The following LRRC37A2 variants were observed in gnomAD, a reference collection of about 807,000 sequenced individuals.
LRRC37A2 encodes leucine-rich repeat-containing protein 37A2.
In LRRC37A2, 9 loss-of-function variants were observed where a neutral mutation model predicts 68.8. The ratio of observed to expected loss-of-function variants is 0.13; its 90% CI spans 0.08 to 0.23. LRRC37A2 has a LOEUF of 0.23. Among genes scored for constraint, LRRC37A2 ranks in the 10% least tolerant of loss-of-function variants. The pLI is 1.00. For synonymous variants in LRRC37A2, 63 were observed against 367.6 expected, an observed-to-expected ratio of 0.17 and a Z score of 9.48; for missense variants, 168 against 950.4, an observed-to-expected ratio of 0.18 and a Z score of 10.82.
chr17:46,774,594 G>C, the LRRC37A2 span, among the ~76,000 whole-genome samples: 2 of 152,238 alleles, frequency 1.3e-5, no homozygotes, highest in African/African-American at 2.4e-5. Context: ...TTAGCACAGA[G>C]TCAGAAGGGA....
At chr17:46,927,277 C>T in the LRRC37A2 span, among the ~76,000 whole-genome samples, 2 of 152,182 alleles carry the variant, frequency 1.3e-5, no homozygotes, top group East Asian at 1.9e-4. Flanking sequence ...ATTTTCTGCA[C>T]GTCAATCCTT....
the LRRC37A2 span, chr17:47,018,169 C>T: frequency 6.3e-7 from 1 of 1,599,464 alleles, no homozygotes; most frequent in Non-Finnish European, 8.6e-7. Context: ...CAGGAGACCC[C>T]AATTCAGTTT....
the LRRC37A2 span, among the ~76,000 whole-genome samples, chr17:46,944,388 TG>T: frequency 2.0e-5 from 3 of 152,124 alleles, no homozygotes; most frequent in Admixed American, 1.3e-4. Context: ...TTTCTAAGAA[TG>T]GGGGTAACAC....
chr17:46,757,694 TTTATC>T, the LRRC37A2 span, among the ~76,000 whole-genome samples: 1 of 147,886 alleles, frequency 6.8e-6, no homozygotes, highest in African/African-American at 2.6e-5. Flanking sequence ...TTATACTTAT[TTTATC>T]TTACTAAAAA....
At chr17:46,820,244 G>T in the LRRC37A2 span, among the ~76,000 whole-genome samples, 2 of 152,204 alleles carry the variant, frequency 1.3e-5, no homozygotes, top group Non-Finnish European at 2.9e-5. Context: ...GGCCTCGGGG[G>T]CACCAAGGGT....
the LRRC37A2 span, chr17:46,932,582 T>C: frequency 2.2e-6 from 1 of 460,758 alleles, no homozygotes; most frequent in Non-Finnish European, 3.9e-6. Context: ...CTGCGGGCAG[T>C]TGCCATTGTG....
At chr17:47,034,593 G>GA in the LRRC37A2 span, among the ~76,000 whole-genome samples, 1 of 151,942 alleles carries the variant, frequency 6.6e-6, no homozygotes, top group Admixed American at 6.6e-5. Flanking sequence ...TTGGTGTTTA[G>GA]AAAAAAATAG....
the LRRC37A2 span, among the ~76,000 whole-genome samples, chr17:46,974,748 A>AAAAGG: frequency 5.4e-5 from 8 of 147,150 alleles, 1 homozygote; most frequent in South Asian, 2.1e-4. Context: ...AAAAAAAAAA[A>AAAAGG]AGGTCATCTC....
the LRRC37A2 span, among the ~76,000 whole-genome samples, chr17:46,858,872 G>A: frequency 2.0e-5 from 3 of 152,034 alleles, no homozygotes; most frequent in Admixed American, 2.0e-4. Context: ...TTGCTATGTT[G>A]CTCAGGCTGG....
chr17:46,900,186 T>TATATATAC, the LRRC37A2 span, among the ~76,000 whole-genome samples: 5 of 122,690 alleles, frequency 4.1e-5, no homozygotes, highest in African/African-American at 2.0e-4. Context: ...TATATATATA[T>TATATATAC]ATATATATAT....
chr17:46,999,226 C>A, the LRRC37A2 span, among the ~76,000 whole-genome samples: 1 of 152,246 alleles, frequency 6.6e-6, no homozygotes, highest in African/African-American at 2.4e-5. Context: ...CTCCTACCAG[C>A]TCTGTGACTT....
the LRRC37A2 span, chr17:46,833,368 T>C: frequency 1.9e-6 from 1 of 518,682 alleles, no homozygotes; most frequent in Non-Finnish European, 3.8e-6. Context: ...GCAGTTTCTT[T>C]TGATCCTCTG....
the LRRC37A2 span, among the ~76,000 whole-genome samples, chr17:46,819,500 C>T: frequency 6.6e-6 from 1 of 152,130 alleles, no homozygotes; most frequent in Non-Finnish European, 1.5e-5. This position sits in a 1 kb window ranked among gnomAD's most constrained non-coding sequence, Gnocchi z 5.3. Flanking sequence ...ACCTCTGGCC[C>T]GGGTCGGAGG....
the LRRC37A2 span, among the ~76,000 whole-genome samples, chr17:46,780,189 A>T: frequency 6.6e-6 from 1 of 152,212 alleles, no homozygotes; most frequent in African/African-American, 2.4e-5. Context: ...CTGATCTGAC[A>T]CTGGGGTTGT....
the LRRC37A2 span, among the ~76,000 whole-genome samples, chr17:46,753,090 T>C: frequency 1.1e-4 from 17 of 152,326 alleles, no homozygotes; most frequent in South Asian, 2.1e-3. Context: ...GTTGGATGAA[T>C]AACTGTAAAT....
At chr17:46,834,573 C>A in the LRRC37A2 span, among the ~76,000 whole-genome samples, 1 of 152,288 alleles carries the variant, frequency 6.6e-6, no homozygotes, top group South Asian at 2.1e-4. Context: ...TCAACTCTAG[C>A]AAGCAAATAT....
the LRRC37A2 span, chr17:47,017,156 C>T: frequency 6.8e-6 from 11 of 1,607,614 alleles, no homozygotes; most frequent in South Asian, 2.2e-5. Flanking sequence ...GCGGGACTCA[C>T]GCTTACAAGG....
chr17:46,898,659 C>A, the LRRC37A2 span, among the ~76,000 whole-genome samples: 1 of 152,218 alleles, frequency 6.6e-6, no homozygotes, highest in African/African-American at 2.4e-5. Context: ...TGATTCTTGC[C>A]TTGGGAATCC....
chr17:46,872,811 A>T, the LRRC37A2 span: 1 of 1,492,912 alleles, frequency 6.7e-7, no homozygotes, highest in Admixed American at 1.8e-5. Context: ...GGGCTGGGGG[A>T]AGAAGCCTTC....
Sources: gnomAD v4.1 joint callset for allele counts (sites outside exome capture counted in the v4.1 genomes callset) on GRCh38, gnomAD v4.1.1 for gene constraint, Gnocchi (gnomAD v3.1) non-coding constraint, MANE v1.5 for transcripts, NCBI Gene and HGNC (gene_info 2026-07-23, HGNC 2026-07-21) for gene names.